Variants in PCNX1 observed in about 807,000 individuals in gnomAD.
PCNX1 encodes the protein pecanex 1.
A neutral mutation model predicts 242.2 loss-of-function variants in PCNX1; 78 were observed. The ratio of observed to expected loss-of-function variants is 0.32; its 90% confidence interval spans 0.27 to 0.39. The LOEUF (loss-of-function observed/expected upper bound fraction) is 0.39. PCNX1 is among the 10% of genes least tolerant of loss of function. The pLI, the probability that PCNX1 is intolerant of heterozygous loss-of-function variation, is 1.00. For synonymous variants in PCNX1, 1,024 were observed against 1,032.9 expected (o/e 0.99, Z 0.17); for missense variants, 2,581 against 2,856.5 (o/e 0.90, Z 2.20).
At chr14:71,074,809 T>C (rs577497367) in intron 27 of PCNX1, among the ~76,000 whole-genome samples, 34 of 152,222 alleles carry the variant, frequency 2.2e-4, no homozygotes, top group Admixed American at 2.6e-4. Context: ...AAACCCCTCG[T>C]TGGGCAAGGT....
chr14:71,111,678 G>A lies in PCNX1; in HGVS notation c.*1743G>A, dbSNP rs1467937690. ...TAAGAAAGTAAATAGTGAACATACA[G>A]AACTTACTGCATTTCCACTTTAAAA... On this transcript the variant is annotated 3_prime_UTR_variant, in exon 36 of 36. Coordinates refer to ENST00000304743, the MANE Select transcript of PCNX1 (RefSeq NM_014982.3). The A allele has an allele frequency of 1.3e-5, 2 of 152,080 alleles. No homozygotes were observed. The highest frequency in any genetic ancestry group is 2.9e-5 in the Non-Finnish European group (2 of 67,946). The allele number at this position is 152,080 out of a possible 1,614,324, so 9.4% of individuals were successfully genotyped here. A position where few individuals can be genotyped will look rare whatever the true frequency, so the allele number is the denominator to read the frequency against.
At chr14:71,057,185 G>A (rs1479203415) in intron 25 of PCNX1, among the ~76,000 whole-genome samples, 1 of 151,768 alleles carries the variant, frequency 6.6e-6, no homozygotes, top group Non-Finnish European at 1.5e-5. Context: ...CTCTTCCATG[G>A]TTTTAATTAT....
At chr14:70,952,342 A>T (rs1461078940) in intron 2 of PCNX1, among the ~76,000 whole-genome samples, 1 of 152,180 alleles carries the variant, frequency 6.6e-6, no homozygotes, top group East Asian at 1.9e-4. Flanking sequence ...ATTACCTACC[A>T]CACAGCTTAA....
intron 28 of PCNX1, among the ~76,000 whole-genome samples, chr14:71,087,157 C>G (rs914411287): frequency 2.0e-5 from 3 of 152,150 alleles, no homozygotes; most frequent in African/African-American, 7.2e-5. Flanking sequence ...AGTCTACACC[C>G]ACTCTCTTTT....
In PCNX1 at chr14:70,915,833, G is replaced by A. The variant is rs184191023; in HGVS notation, c.153+7830G>A. Reference sequence around the variant, plus strand: ...GAATATAAATATGAGAATGAGAAATGGGTAGATAATGCAGGGTTCCTGGAA... The same window carrying A: ...GAATATAAATATGAGAATGAGAAATAGGTAGATAATGCAGGGTTCCTGGAA... On this transcript the variant is annotated intron_variant, in intron 1 of 35. Coordinates refer to ENST00000304743, the MANE Select transcript of PCNX1 (RefSeq NM_014982.3). 2.0e-5 allele frequency among the ~76,000 whole-genome samples: 3 copies of A among 152,234 alleles called. No homozygotes were observed. The East Asian group carries it at 5.8e-4, about 29-fold the overall frequency.
chr14:71,070,849 T>C (rs2061569394), intron 26 of PCNX1, among the ~76,000 whole-genome samples: 1 of 152,206 alleles, frequency 6.6e-6, no homozygotes. Flanking sequence ...CTTTGAAGAT[T>C]TGAAGCCAGG....
chr14:70,942,080 G>C (rs879914693), intron 1 of PCNX1, among the ~76,000 whole-genome samples: 3 of 152,098 alleles, frequency 2.0e-5, no homozygotes, highest in Non-Finnish European at 4.4e-5. Flanking sequence ...TGCACTTCCC[G>C]GGTGAGGTGA....
At chr14:70,979,026 C>G (rs2058760498) in intron 6 of PCNX1, among the ~76,000 whole-genome samples, 1 of 152,094 alleles carries the variant, frequency 6.6e-6, no homozygotes, top group African/African-American at 2.4e-5. Context: ...TTAATCAACT[C>G]TTATACAGTA....
chr14:71,015,018 CGAAGT>C (rs1555361768), intron 11 of PCNX1, among the ~76,000 whole-genome samples: 15 of 151,854 alleles, frequency 9.9e-5, no homozygotes, highest in Non-Finnish European at 2.2e-4. Context: ...TTGGAAATAA[CGAAGT>C]GAAAAGACAG....
chr14:70,991,377 T>C (rs2140284312), intron 7 of PCNX1, among the ~76,000 whole-genome samples: 1 of 152,190 alleles, frequency 6.6e-6, no homozygotes, highest in East Asian at 1.9e-4. Context: ...GCTAATTTTT[T>C]GGATTTTTAG....
chr14:70,935,469 A>G (rs899854206), intron 1 of PCNX1, among the ~76,000 whole-genome samples: 13 of 152,234 alleles, frequency 8.5e-5, no homozygotes, highest in African/African-American at 3.1e-4. Context: ...GCTCTTAGCA[A>G]TATAATAGTA....
At chr14:71,068,580 G>A (rs2141367737) in intron 26 of PCNX1, among the ~76,000 whole-genome samples, 2 of 126,886 alleles carry the variant, frequency 1.6e-5, no homozygotes, top group African/African-American at 6.5e-5. Context: ...TTTTAGGTTT[G>A]TATGTACGTG....
intron 26 of PCNX1, among the ~76,000 whole-genome samples, chr14:71,063,032 C>CCA (rs2061364484): frequency 6.6e-6 from 1 of 152,120 alleles, no homozygotes; most frequent in Non-Finnish European, 1.5e-5. Context: ...GCAGGCTGTA[C>CCA]CATCTAGGTT....
chr14:70,968,254 T>C lies in PCNX1; in HGVS notation c.514+11T>C. ...CAGCAACTATTAAAGGTAGGTGTGA[T>C]CTAACTTAAAAGTTGCACCTGCCTT... is the stretch of plus-strand genomic sequence containing the variant. On this transcript the variant is annotated intron_variant, in intron 4 of 35. Coordinates refer to ENST00000304743, the MANE Select transcript of PCNX1 (RefSeq NM_014982.3). The C allele has an allele frequency of 6.2e-7, 1 of 1,607,622 alleles. No individual in the cohort carries two copies.
intron 1 of PCNX1, among the ~76,000 whole-genome samples, chr14:70,936,653 G>C (rs1454747989): frequency 6.6e-6 from 1 of 152,172 alleles, no homozygotes; most frequent in Non-Finnish European, 1.5e-5. Flanking sequence ...ACCCAGTAAT[G>C]GGATGGCTGG....
chr14:71,087,438 A>T (rs2062022164), intron 28 of PCNX1, among the ~76,000 whole-genome samples: 1 of 152,218 alleles, frequency 6.6e-6, no homozygotes, highest in Admixed American at 6.5e-5. Context: ...TTTATAAGTT[A>T]ATGGTTTATA....
rs374397061 is a variant in PCNX1, at chr14:70,911,371, GTTTA to G, written c.153+3373_153+3376del. The stretch of plus-strand genomic sequence containing the variant: ...TTTATAGGATTCAAACACTTTTGGT[GTTTA>G]TTTAGGAGCATTTGTGGATACTTTG... On this transcript the variant is annotated intron_variant, in intron 1 of 35. Transcript: ENST00000304743. Among the ~76,000 whole-genome samples the G allele has an allele frequency of 1.4e-3, 210 of 152,246 alleles. 1 individual carries two copies. The highest frequency in any genetic ancestry group is 6.8e-3 in the South Asian group (33 of 4,822).
intron 1 of PCNX1, among the ~76,000 whole-genome samples, chr14:70,920,677 C>T (rs1002749818): frequency 6.6e-6 from 1 of 152,160 alleles, no homozygotes; most frequent in South Asian, 2.1e-4. Flanking sequence ...GGACACCTGT[C>T]TCTTGGCTCT....
intron 1 of PCNX1, among the ~76,000 whole-genome samples, chr14:70,939,096 A>T (rs2057128299): frequency 6.6e-6 from 1 of 151,746 alleles, no homozygotes; most frequent in Non-Finnish European, 1.5e-5. Context: ...GGATTCATTG[A>T]TTTTTTTTGA....
Sources: gnomAD v4.1 joint callset for allele counts (sites outside exome capture counted in the v4.1 genomes callset) on GRCh38, gnomAD v4.1.1 for gene constraint, MANE v1.5 for transcripts, NCBI Gene and HGNC (gene_info 2026-07-23, HGNC 2026-07-21) for gene names.